Variants in NFIB observed in about 807,000 individuals in gnomAD.
NFIB encodes the protein nuclear factor 1 B-type.
In NFIB, 11 loss-of-function variants were observed where a neutral mutation model predicts 61.5. That is an observed-to-expected ratio of 0.18 (90% CI 0.11 to 0.30). The LOEUF (loss-of-function observed/expected upper bound fraction) is 0.30, where lower values mean the gene tolerates loss of function less well. Ranked by LOEUF, NFIB falls within the 10% of genes least tolerant of loss-of-function variation. The pLI is 1.00. For synonymous variants in NFIB, 260 were observed against 216.5 expected, an observed-to-expected ratio of 1.20 and a Z score of -1.76; for missense variants, 471 against 608.9, an observed-to-expected ratio of 0.77 and a Z score of 2.38.
chr9:14,387,988 A>G (rs1306890452), intron 1 of NFIB, among the ~76,000 whole-genome samples: 4 of 152,216 alleles, frequency 2.6e-5, no homozygotes, highest in Non-Finnish European at 5.9e-5. Context: ...ACAGAATTGT[A>G]TATAAGCTCT....
intron 1 of NFIB, chr9:14,357,810 G>A (rs2061193592): frequency 6.6e-6 from 1 of 152,302 alleles, no homozygotes; most frequent in Admixed American, 6.5e-5. Context: ...ATTTGGTGAA[G>A]AAAGAAATGA....
chr9:14,243,584 G>A (rs2054567599), intron 2 of NFIB, among the ~76,000 whole-genome samples: 2 of 149,810 alleles, frequency 1.3e-5, no homozygotes, highest in Non-Finnish European at 3.0e-5. Flanking sequence ...TCAACCTATG[G>A]TTAGATTTAC....
At chr9:14,380,378 A>T (rs1335376460) in intron 1 of NFIB, among the ~76,000 whole-genome samples, 1 of 152,244 alleles carries the variant, frequency 6.6e-6, no homozygotes, top group Non-Finnish European at 1.5e-5. Context: ...ATGCTTGCCT[A>T]ATACTTTCAC....
the NFIB span, among the ~76,000 whole-genome samples, chr9:14,493,010 G>C: frequency 2.6e-5 from 4 of 152,158 alleles, no homozygotes; most frequent in Admixed American, 1.3e-4. Flanking sequence ...TTTCAATAAG[G>C]CTTTAGCCCG....
chr9:14,202,651 T>A (rs1212800772), intron 2 of NFIB, among the ~76,000 whole-genome samples: 1 of 152,210 alleles, frequency 6.6e-6, no homozygotes, highest in Admixed American at 6.5e-5. Flanking sequence ...AAAATATCGG[T>A]TCTACGTTTC....
At chr9:14,475,092 C>G in the NFIB span, among the ~76,000 whole-genome samples, 1 of 152,222 alleles carries the variant, frequency 6.6e-6, no homozygotes, top group Admixed American at 6.5e-5. Flanking sequence ...CTGGGTATCA[C>G]TTAGCTTAGC....
chr9:14,398,845 C>G, exon 1 of NFIB: 1 of 471,770 alleles, frequency 2.1e-6, no homozygotes, highest in Non-Finnish European at 3.7e-6. Context: ...CAAAGGGGTC[C>G]TGTACACTCG....
chr9:14,087,630 T>C lies in NFIB; in HGVS notation c.*679A>G. ...TAAGATTTCAAACTGGGTTACACAC[T>C]GGAAAAGGCTGGGTTAAGGGCCGAA... On this transcript the variant is annotated 3_prime_UTR_variant, in exon 11 of 11. Coordinates refer to ENST00000380953, the MANE Select transcript of NFIB (RefSeq NM_001190737.2). 1 of 219,982 alleles carries C rather than the reference T, an allele frequency of 4.5e-6. No individual in the cohort carries two copies. The highest frequency in any genetic ancestry group is 9.1e-6 in the Non-Finnish European group (1 of 109,544). The allele number at this position is 219,982 out of a possible 1,614,324, so 13.6% of individuals were successfully genotyped here. A position where few individuals can be genotyped will look rare whatever the true frequency, so the allele number is the denominator to read the frequency against.
intron 5 of NFIB, among the ~76,000 whole-genome samples, chr9:14,147,495 A>G (rs2042392045): frequency 6.6e-6 from 1 of 151,908 alleles, no homozygotes; most frequent in Non-Finnish European, 1.5e-5. Context: ...ATAATAAAAA[A>G]TTATAGTATT....
intron 1 of NFIB, among the ~76,000 whole-genome samples, chr9:14,374,881 G>C (rs1049878295): frequency 3.3e-5 from 5 of 152,134 alleles, no homozygotes; most frequent in African/African-American, 1.2e-4. Context: ...CTGCACTCCA[G>C]CCTGGGCAAC....
At chr9:14,092,582 G>A (rs778531034) in intron 10 of NFIB, among the ~76,000 whole-genome samples, 6 of 152,052 alleles carry the variant, frequency 3.9e-5, no homozygotes, top group Non-Finnish European at 8.8e-5. Flanking sequence ...TTTGAACAGA[G>A]TGGTCTGAAG....
intron 2 of NFIB, among the ~76,000 whole-genome samples, chr9:14,283,321 G>C (rs961142781): frequency 6.6e-6 from 1 of 152,178 alleles, no homozygotes; most frequent in Non-Finnish European, 1.5e-5. Context: ...CCACTCACTG[G>C]ACACAGGTTG....
the NFIB span, among the ~76,000 whole-genome samples, chr9:14,421,540 A>G: frequency 6.6e-6 from 1 of 152,212 alleles, no homozygotes; most frequent in Non-Finnish European, 1.5e-5. Flanking sequence ...AATCAGATTA[A>G]CTCTTCCATT....
upstream of NFIB, among the ~76,000 whole-genome samples, chr9:14,314,734 TCCC>T (rs1288083618): frequency 1.5e-5 from 1 of 65,802 alleles, no homozygotes; most frequent in African/African-American, 6.1e-5. Context: ...TCTCCTTCTC[TCCC>T]CCCACCTCTC....
chr9:14,498,996 A>ATG, the NFIB span, among the ~76,000 whole-genome samples: 362 of 149,920 alleles, frequency 2.4e-3, 2 homozygotes, highest in African/African-American at 8.2e-3. Flanking sequence ...AATTGTGTGT[A>ATG]TGTGTGTGTG....
chr9:14,094,723 G>T (rs1053807756), intron 10 of NFIB, among the ~76,000 whole-genome samples: 17 of 152,120 alleles, frequency 1.1e-4, no homozygotes, highest in Non-Finnish European at 2.1e-4. Flanking sequence ...TATTCTAACT[G>T]CAAGCAATAG....
chr9:14,397,016 T>C (rs534981745), intron 1 of NFIB, among the ~76,000 whole-genome samples: 2 of 152,344 alleles, frequency 1.3e-5, no homozygotes, highest in East Asian at 3.9e-4. Context: ...TAAGAGATCC[T>C]AACGAAGCTC....
At chr9:14,175,131 A>G (rs1360837000) in intron 3 of NFIB, among the ~76,000 whole-genome samples, 1 of 148,430 alleles carries the variant, frequency 6.7e-6, no homozygotes, top group African/African-American at 2.5e-5. Flanking sequence ...CATTGGAGAG[A>G]GAGCTATCTC....
chr9:14,310,558 TA>T (rs771541191), intron 1 of NFIB, among the ~76,000 whole-genome samples: 13 of 152,196 alleles, frequency 8.5e-5, no homozygotes, highest in Non-Finnish European at 1.9e-4. Context: ...AATATTTTTT[TA>T]AAAGGTGATT....
Sources: gnomAD v4.1 joint callset for allele counts (sites outside exome capture counted in the v4.1 genomes callset) on GRCh38, gnomAD v4.1.1 for gene constraint, MANE v1.5 for transcripts, NCBI Gene and HGNC (gene_info 2026-07-23, HGNC 2026-07-21) for gene names.